Variants in EVC2 observed in about 807,000 individuals in gnomAD.
EVC2 encodes EvC ciliary complex subunit 2, also known as limbin.
A neutral mutation model predicts 149.3 loss-of-function variants in EVC2; 148 were observed. The observed-to-expected ratio is 0.99, with a 90% CI of 0.87 to 1.14. The LOEUF (loss-of-function observed/expected upper bound fraction) is 1.14. EVC2 is among the 50% of genes most tolerant of loss of function. The pLI, the probability that EVC2 is intolerant of heterozygous loss-of-function variation, is 0.00. For missense variants in EVC2, 1,854 were observed against 1,627.3 expected (o/e 1.14, Z -2.40); for synonymous variants, 776 against 649.9 (o/e 1.19, Z -2.95).
the EVC2 span, among the ~76,000 whole-genome samples, chr4:5,536,608 C>T: frequency 6.6e-6 from 1 of 151,994 alleles, no homozygotes; most frequent in Non-Finnish European, 1.5e-5. Context: ...CATGGTGAAA[C>T]CCCGTTTCTA....
intron 7 of EVC2, among the ~76,000 whole-genome samples, chr4:5,667,067 T>C (rs574076313): frequency 6.6e-6 from 1 of 152,242 alleles, no homozygotes; most frequent in East Asian, 1.9e-4. Context: ...TTCCCTATAG[T>C]TCTGAATATC....
chr4:5,562,973 T>C lies in EVC2; in HGVS notation c.3802A>G (p.Thr1268Ala). 1 of 1,614,198 alleles carries C rather than the reference T, an allele frequency of 6.2e-7. No individual in the cohort carries two copies. Among genetic ancestry groups the C allele is most frequent in the Non-Finnish European group, 8.5e-7 (1 of 1,180,036 alleles). ...VGAETIDLLN[T>A]GEKLFIFRNP... is the part of the protein sequence containing the mutation. ...CTGAATATAAAGAGCTTCTCTCCTG[T>C]GTTTAATAGATCAATGGTTTCTGCC... The change falls in exon 22 of 22, where the codon ACA becomes GCA. Residue 1268 changes from threonine to alanine, a missense_variant. Transcript: ENST00000344408. This position sits in a 1 kb window ranked among gnomAD's most constrained non-coding sequence, Gnocchi z 4.3.
intron 11 of EVC2, 147 bp downstream of exon 11, chr4:5,631,646 C>T: frequency 8.7e-7 from 1 of 1,155,194 alleles, no homozygotes; most frequent in Non-Finnish European, 1.2e-6. Context: ...TCCCTGCTTA[C>T]TGGAAACTCA....
Position 5,696,920 on chromosome 4 carries a change from C to T in EVC2, c.283+673G>A, listed in dbSNP as rs543718207. Among the ~76,000 whole-genome samples the T allele has an allele frequency of 5.3e-5, 8 of 152,194 alleles. No individual in the cohort carries two copies. The highest frequency in any genetic ancestry group is 1.2e-4 in the African/African-American group (5 of 41,522). Reference sequence around the variant, plus strand: ...GCAAATGTGATTCCATTAAGGGCTTCGAGATGGGGAGATTGCCTGGATTAT... The same window carrying T: ...GCAAATGTGATTCCATTAAGGGCTTTGAGATGGGGAGATTGCCTGGATTAT... On this transcript the variant is annotated intron_variant, in intron 2 of 21. Coordinates refer to ENST00000344408, the MANE Select transcript of EVC2 (RefSeq NM_147127.5). This position sits in a 1 kb window ranked among gnomAD's most constrained non-coding sequence, Gnocchi z 4.1.
At chr4:5,532,870 C>A in the EVC2 span, among the ~76,000 whole-genome samples, 2 of 151,952 alleles carry the variant, frequency 1.3e-5, no homozygotes, top group African/African-American at 4.8e-5. Context: ...ATGGCCAGCA[C>A]TGGCGGGCAG....
At chr4:5,659,564 C>G (rs1718748248) in intron 9 of EVC2, among the ~76,000 whole-genome samples, 1 of 152,104 alleles carries the variant, frequency 6.6e-6, no homozygotes, top group East Asian at 1.9e-4. Flanking sequence ...AAGCTGAACA[C>G]TCTCCGTGCA....
intron 17 of EVC2, among the ~76,000 whole-genome samples, chr4:5,581,472 A>G (rs945380762): frequency 6.6e-6 from 1 of 152,250 alleles, no homozygotes; most frequent in Non-Finnish European, 1.5e-5. Flanking sequence ...ATGCTTTAGC[A>G]AACAGACTGG....
chr4:5,648,614 T>G (rs1157584478), intron 9 of EVC2, among the ~76,000 whole-genome samples: 9 of 152,184 alleles, frequency 5.9e-5, no homozygotes, highest in Non-Finnish European at 1.2e-4. Context: ...GTCTGGCATT[T>G]TGTTGGTTCT....
At position 5,576,255 on chromosome 4, in the gene EVC2, TC is replaced by T; in HGVS notation, c.3256del (p.Glu1086SerfsTer7). The T allele has an allele frequency of 6.2e-7, 1 of 1,614,166 alleles. No individual in the cohort carries two copies. The highest frequency in any genetic ancestry group is 8.5e-7 in the Non-Finnish European group (1 of 1,180,026). Reference sequence around the variant, plus strand: ...CACGGCATACCACTGCTGATGTTGCTCCAGTAATGTCTGGCTCTTGCTCAGG... The same window carrying T: ...CACGGCATACCACTGCTGATGTTGCTCAGTAATGTCTGGCTCTTGCTCAGG... ...QALSKSQTLL[E>X]QHQQCLREEQ... is the part of the protein sequence containing the mutation. On this transcript the variant is annotated frameshift_variant, in exon 18 of 22. Transcript: ENST00000344408. LOFTEE classifies it high-confidence loss of function. The surrounding 1 kb of genome is among the most constrained non-coding windows in gnomAD (Gnocchi z 4.5).
chr4:5,611,895 C>T lies in EVC2; in HGVS notation c.2829+3527G>A, dbSNP rs1000804214. On this transcript the variant is annotated intron_variant, in intron 16 of 21. Transcript: ENST00000344408. ...GGCTGAACTTTTGTTTCTCTGATTA[C>T]AGATTAGCCTTCTTCCCAGACTACA... is the stretch of plus-strand genomic sequence containing the variant. Among the ~76,000 whole-genome samples the T allele has an allele frequency of 2.0e-5, 3 of 152,140 alleles. No homozygotes were observed. In the East Asian group the frequency reaches 5.8e-4, roughly 29 times the overall value.
intron 1 of EVC2, among the ~76,000 whole-genome samples, chr4:5,700,576 C>G (rs968406586): frequency 1.3e-5 from 2 of 152,146 alleles, no homozygotes; most frequent in Non-Finnish European, 2.9e-5. Context: ...AGCAAAGGAC[C>G]CAGGCTGACC....
chr4:5,685,721 C>T (rs144199163), intron 5 of EVC2, among the ~76,000 whole-genome samples: 224 of 152,284 alleles, frequency 1.5e-3, no homozygotes, highest in African/African-American at 4.7e-3. Flanking sequence ...CCACTCCTGA[C>T]GTTTCCATTC....
chr4:5,668,633 C>T (rs1719431978), intron 7 of EVC2, among the ~76,000 whole-genome samples: 1 of 152,092 alleles, frequency 6.6e-6, no homozygotes, highest in Non-Finnish European at 1.5e-5. Context: ...TAAAAAAAAT[C>T]TGTCTGTAAA....
intron 2 of EVC2, among the ~76,000 whole-genome samples, chr4:5,694,821 C>T (rs114957785): frequency 6.6e-6 from 1 of 152,276 alleles, no homozygotes; most frequent in Non-Finnish European, 1.5e-5. Context: ...ATTAGACAGC[C>T]CTGGGCTTGA....
rs1265417407 is a variant in EVC2, at chr4:5,657,814, T to G, written c.1145+5293A>C. Among the ~76,000 whole-genome samples, 1 of 151,594 alleles carries G rather than the reference T, an allele frequency of 6.6e-6. No homozygotes were observed. The highest frequency in any genetic ancestry group is 1.5e-5 in the Non-Finnish European group (1 of 68,000). ...AAAATCAGAATTTCAGGATAAAGAA[T>G]GGAGGCAGTGCTGCTGTAGGGAAGG... On this transcript the variant is annotated intron_variant, in intron 9 of 21. Coordinates refer to ENST00000344408, the MANE Select transcript of EVC2 (RefSeq NM_147127.5). This position sits in a 1 kb window ranked among gnomAD's most constrained non-coding sequence, Gnocchi z 4.7.
intron 16 of EVC2, among the ~76,000 whole-genome samples, chr4:5,605,521 T>C (rs952091418): frequency 6.6e-6 from 1 of 152,184 alleles, no homozygotes; most frequent in East Asian, 1.9e-4. Context: ...GATAGATAGA[T>C]AGATGTGGAC....
At position 5,632,040 on chromosome 4, in the gene EVC2, G is replaced by A; in HGVS notation, c.1471-8C>T. 6.2e-7 allele frequency: 1 copy of A among 1,613,746 alleles called. No homozygotes were observed. The highest frequency in any genetic ancestry group is 8.5e-7 in the Non-Finnish European group (1 of 1,179,856). ...GCTGCACTCTACAGCAGACTGGAGA[G>A]AGGAAAGGGAGAGCGTGAGAAACTG... is the stretch of plus-strand genomic sequence containing the variant. On this transcript the variant is annotated splice_region_variant and splice_polypyrimidine_tract_variant and intron_variant, in intron 10 of 21. Transcript: ENST00000344408.
chr4:5,604,206 C>G (rs947635079), intron 16 of EVC2, among the ~76,000 whole-genome samples: 2 of 152,066 alleles, frequency 1.3e-5, no homozygotes, highest in South Asian at 4.2e-4. Flanking sequence ...TAGTTGAGGG[C>G]GGATGAAATC....
intron 1 of EVC2, among the ~76,000 whole-genome samples, chr4:5,698,028 C>T (rs1019003161): frequency 2.0e-5 from 3 of 152,146 alleles, no homozygotes; most frequent in African/African-American, 7.2e-5. Flanking sequence ...TGGGATTACA[C>T]GTGTGAGCCA....
Sources: gnomAD v4.1 joint callset for allele counts (sites outside exome capture counted in the v4.1 genomes callset) on GRCh38, gnomAD v4.1.1 for gene constraint, Gnocchi (gnomAD v3.1) non-coding constraint, MANE v1.5 for transcripts, NCBI Gene and HGNC (gene_info 2026-07-23, HGNC 2026-07-21) for gene names.